Variants in NUDT3 observed in about 807,000 individuals in gnomAD.
NUDT3 encodes nudix hydrolase 3, also known as diphosphoinositol polyphosphate phosphohydrolase 1.
Under a neutral mutation model 23.6 loss-of-function variants are expected in NUDT3, and 9 were observed. That is an observed-to-expected ratio of 0.38 (90% CI 0.23 to 0.66). The LOEUF (loss-of-function observed/expected upper bound fraction) is 0.66. Ranked by LOEUF, NUDT3 falls within the 30% of genes least tolerant of loss-of-function variation. The probability of loss-of-function intolerance (pLI) is 0.52; values close to 1 mark genes in which losing one functional copy is unlikely to be tolerated. For synonymous variants in NUDT3, 86 were observed against 82.6 expected, an observed-to-expected ratio of 1.04 and a Z score of -0.22; for missense variants, 172 against 218.5, an observed-to-expected ratio of 0.79 and a Z score of 1.34.
At chr6:34,297,730 A>AAATT (rs61610076) in intron 2 of NUDT3, among the ~76,000 whole-genome samples, 2 of 72,008 alleles carry the variant, frequency 2.8e-5, no homozygotes, top group Non-Finnish European at 2.3e-5. Flanking sequence ...AAAAAAAAAA[A>AAATT]ATATATATAT....
chr6:34,293,220 G>A (rs1448076125), intron 4 of NUDT3, among the ~76,000 whole-genome samples: 31 of 152,138 alleles, frequency 2.0e-4, no homozygotes, highest in Admixed American at 2.0e-3. Flanking sequence ...GTGCCACCAC[G>A]CCGAGCTAAG....
Position 34,368,546 on chromosome 6 carries a change from G to T in NUDT3, c.99+23718C>A, listed in dbSNP as rs570316961. On this transcript the variant is annotated intron_variant, in intron 1 of 4. Coordinates refer to ENST00000607016, the MANE Select transcript of NUDT3 (RefSeq NM_006703.4). ...AGTACAGGGGAAAAACAAAAACACA[G>T]TATAGATGAATCTCAGACAGCAATT... Among the ~76,000 whole-genome samples, 143 of 152,318 alleles carry T rather than the reference G, an allele frequency of 9.4e-4. No individual in the cohort carries two copies. The South Asian group carries it at 0.011, about 12-fold the overall frequency.
At chr6:34,373,860 A>G (rs1439301167) in intron 1 of NUDT3, among the ~76,000 whole-genome samples, 2 of 152,114 alleles carry the variant, frequency 1.3e-5, no homozygotes, top group Admixed American at 6.6e-5. Flanking sequence ...TTTTAGAAAT[A>G]TATTTTTATT....
chr6:34,353,703 G>C (rs561851654), intron 1 of NUDT3, among the ~76,000 whole-genome samples: 1 of 151,658 alleles, frequency 6.6e-6, no homozygotes, highest in African/African-American at 2.4e-5. Context: ...ACCCAGCCTT[G>C]CTTTTGTTTT....
chr6:34,351,609 G>C (rs749239467), intron 1 of NUDT3, among the ~76,000 whole-genome samples: 13 of 149,154 alleles, frequency 8.7e-5, no homozygotes, highest in African/African-American at 3.3e-4. Flanking sequence ...GGGCGTGGTC[G>C]TGGGCGCTTG....
chr6:34,312,475 AG>A (rs1161500077), intron 2 of NUDT3, among the ~76,000 whole-genome samples: 2 of 152,128 alleles, frequency 1.3e-5, no homozygotes, highest in African/African-American at 2.4e-5. Flanking sequence ...GTGGAACAAC[AG>A]GAACTCTTAT....
At chr6:34,341,677 C>T (rs1259961607) in intron 2 of NUDT3, among the ~76,000 whole-genome samples, 185 bp downstream of exon 2, 1 of 152,204 alleles carries the variant, frequency 6.6e-6, no homozygotes, top group Non-Finnish European at 1.5e-5. Context: ...GCACAGAGTG[C>T]CGGTTAACAT....
chr6:34,319,954 AAGGCTATGAC>A (rs1200826771), intron 2 of NUDT3, among the ~76,000 whole-genome samples: 5 of 152,186 alleles, frequency 3.3e-5, no homozygotes, highest in Non-Finnish European at 5.9e-5. Context: ...TTAACTCCAA[AAGGCTATGAC>A]AGTTAGGAGC....
chr6:34,382,059 C>A (rs540910947), intron 1 of NUDT3, among the ~76,000 whole-genome samples: 11 of 121,076 alleles, frequency 9.1e-5, no homozygotes, highest in African/African-American at 3.7e-4. Flanking sequence ...AGCGACAGAG[C>A]GAGACTCTAT....
intron 1 of NUDT3, among the ~76,000 whole-genome samples, chr6:34,391,707 C>G (rs1561928000): frequency 6.6e-6 from 1 of 152,194 alleles, no homozygotes; most frequent in Non-Finnish European, 1.5e-5. Flanking sequence ...AAACAGCTGG[C>G]TATGGCTTAT....
chr6:34,371,677 G>C (rs764713015), intron 1 of NUDT3, among the ~76,000 whole-genome samples: 9 of 152,146 alleles, frequency 5.9e-5, no homozygotes, highest in African/African-American at 9.7e-5. Context: ...TGAGCACTGG[G>C]GAAATAGACT....
intron 2 of NUDT3, among the ~76,000 whole-genome samples, chr6:34,310,712 C>G (rs1256481333): frequency 1.3e-5 from 2 of 152,180 alleles, no homozygotes; most frequent in African/African-American, 4.8e-5. Flanking sequence ...GCGTTACCCT[C>G]ATACCAAAAC....
At position 34,349,370 on chromosome 6, in the gene NUDT3, G is replaced by A. The variant is rs531335285; in HGVS notation, c.100-7398C>T. The stretch of plus-strand genomic sequence containing the variant: ...ACAGGACGTGGGAATATGACTCCTT[G>A]GATATGGGCTGGGTCAATGGTGTAG... On this transcript the variant is annotated intron_variant, in intron 1 of 4. Coordinates refer to ENST00000607016, the MANE Select transcript of NUDT3 (RefSeq NM_006703.4). 2.9e-5 allele frequency among the ~76,000 whole-genome samples: 4 copies of A among 139,950 alleles called. 1 individual carries two copies. Among genetic ancestry groups the A allele is most frequent in the South Asian group, 4.4e-4 (2 of 4,586 alleles). The allele number at this position is 139,950 out of a possible 152,430, so 91.8% of individuals were successfully genotyped here.
chr6:34,366,925 C>G (rs59368811), intron 1 of NUDT3, among the ~76,000 whole-genome samples: 11,647 of 152,180 alleles, frequency 0.077, 903 homozygotes, highest in African/African-American at 0.2. Context: ...GACAGTCTCA[C>G]TCTGTCGCCT....
At chr6:34,360,343 G>C (rs1764630838) in intron 1 of NUDT3, among the ~76,000 whole-genome samples, 1 of 152,030 alleles carries the variant, frequency 6.6e-6, no homozygotes, top group African/African-American at 2.4e-5. Flanking sequence ...GGAGGCCAAG[G>C]TGGGTGGATC....
chr6:34,367,951 C>T (rs1242160205), intron 1 of NUDT3, among the ~76,000 whole-genome samples: 2 of 152,196 alleles, frequency 1.3e-5, no homozygotes, highest in Non-Finnish European at 2.9e-5. Context: ...GCCTGTAATT[C>T]CAGCACTTTG....
At chr6:34,372,651 A>G (rs1316095522) in intron 1 of NUDT3, among the ~76,000 whole-genome samples, 1 of 152,058 alleles carries the variant, frequency 6.6e-6, no homozygotes, top group Non-Finnish European at 1.5e-5. Context: ...TTAAAAATAC[A>G]AAATTAGCCA....
At chr6:34,375,084 T>C (rs1257310208) in intron 1 of NUDT3, among the ~76,000 whole-genome samples, 1 of 152,164 alleles carries the variant, frequency 6.6e-6, no homozygotes, top group African/African-American at 2.4e-5. Flanking sequence ...CTGTGGCTCA[T>C]GCCTGTAATC....
At chr6:34,303,062 A>G (rs1244523721) in intron 2 of NUDT3, among the ~76,000 whole-genome samples, 1 of 152,118 alleles carries the variant, frequency 6.6e-6, no homozygotes, top group Admixed American at 6.6e-5. Flanking sequence ...AAATGCCAAA[A>G]ATCAGTTTTT....
Sources: gnomAD v4.1 joint callset for allele counts (sites outside exome capture counted in the v4.1 genomes callset) on GRCh38, gnomAD v4.1.1 for gene constraint, MANE v1.5 for transcripts, NCBI Gene and HGNC (gene_info 2026-07-23, HGNC 2026-07-21) for gene names.